The following EXOC6 variants were observed in gnomAD, a reference collection of about 807,000 sequenced individuals.
EXOC6 encodes the protein SEC15-like 1.
Under a neutral mutation model 112.5 loss-of-function variants are expected in EXOC6, and 60 were observed. That is an observed-to-expected ratio of 0.53 (90% confidence interval 0.43 to 0.66). The LOEUF is 0.66. EXOC6 is among the 30% of genes least tolerant of loss of function. EXOC6 has a pLI of 0.00. For missense variants in EXOC6, 855 were observed against 957.1 expected (o/e 0.89, Z 1.41); for synonymous variants, 295 against 308.0 (o/e 0.96, Z 0.44).
chr10:92,835,438 A>C (rs1257353408), intron 1 of EXOC6, among the ~76,000 whole-genome samples: 3 of 152,246 alleles, frequency 2.0e-5, no homozygotes, highest in Admixed American at 2.0e-4. Context: ...TTGTGTTCAA[A>C]GGGCAGCTTT....
intron 12 of EXOC6, among the ~76,000 whole-genome samples, chr10:92,938,737 G>A (rs148272358): frequency 2.9e-3 from 436 of 152,268 alleles, no homozygotes; most frequent in Middle Eastern, 0.01. Context: ...CAGTAGGGAC[G>A]TAAAAGTCCT....
chr10:92,863,359 C>G (rs1191018023), intron 1 of EXOC6, among the ~76,000 whole-genome samples: 2 of 152,184 alleles, frequency 1.3e-5, no homozygotes, highest in Non-Finnish European at 2.9e-5. Context: ...GCAATTTTTA[C>G]TAGAGTAGCA....
At chr10:93,050,051 A>T (rs568888012) in intron 20 of EXOC6, among the ~76,000 whole-genome samples, 27 of 152,296 alleles carry the variant, frequency 1.8e-4, no homozygotes, top group Non-Finnish European at 8.8e-5. Flanking sequence ...TAAAAAAAAA[A>T]ATTTTAAAGT....
intron 1 of EXOC6, among the ~76,000 whole-genome samples, chr10:92,858,092 G>GAA (rs1321423187): frequency 1.4e-5 from 2 of 143,086 alleles, no homozygotes; most frequent in East Asian, 4.8e-4. Context: ...TTTCTGATGA[G>GAA]AAGTCAGCTG....
chr10:92,967,325 T>G (rs1842111134), intron 17 of EXOC6, among the ~76,000 whole-genome samples: 1 of 152,104 alleles, frequency 6.6e-6, no homozygotes, highest in South Asian at 2.1e-4. Context: ...ATTTAAAATT[T>G]TCTTCTTTCA....
At chr10:92,895,538 T>C (rs1849703219) in intron 4 of EXOC6, among the ~76,000 whole-genome samples, 1 of 152,162 alleles carries the variant, frequency 6.6e-6, no homozygotes, top group African/African-American at 2.4e-5. Flanking sequence ...GAAACGCTGT[T>C]TCTGGTCTCT....
intron 1 of EXOC6, among the ~76,000 whole-genome samples, chr10:92,858,022 T>TCCTCCCCCCC (rs1554882162): frequency 9.9e-6 from 1 of 101,272 alleles, no homozygotes; most frequent in African/African-American, 3.6e-5. Flanking sequence ...GTTGACGGGT[T>TCCTCCCCCCC]CCCCCCCTCC....
chr10:92,983,246 A>G (rs1446814218), intron 18 of EXOC6, among the ~76,000 whole-genome samples: 1 of 152,222 alleles, frequency 6.6e-6, no homozygotes, highest in Admixed American at 6.5e-5. Context: ...AAATGGTGTG[A>G]TAAGTAGTCC....
chr10:92,985,423 C>T (rs973537224), intron 18 of EXOC6, among the ~76,000 whole-genome samples: 4 of 152,152 alleles, frequency 2.6e-5, no homozygotes, highest in Non-Finnish European at 5.9e-5. Context: ...GCAGAAAGCA[C>T]CCGTTCATGA....
At chr10:93,049,086 C>T (rs1385157346) in intron 20 of EXOC6, among the ~76,000 whole-genome samples, 1 of 149,262 alleles carries the variant, frequency 6.7e-6, no homozygotes, top group African/African-American at 2.5e-5. Context: ...GAGGCAGAGT[C>T]TCGCTCTGTC....
upstream of EXOC6, among the ~76,000 whole-genome samples, chr10:92,845,542 G>T (rs1339827259): frequency 8.2e-6 from 1 of 122,096 alleles, no homozygotes; most frequent in Non-Finnish European, 1.6e-5. Flanking sequence ...AACAGAGAGA[G>T]ACTCCATCTC....
At chr10:93,017,066 T>C (rs1266388585) in intron 20 of EXOC6, among the ~76,000 whole-genome samples, 1 of 152,076 alleles carries the variant, frequency 6.6e-6, no homozygotes, top group Non-Finnish European at 1.5e-5. Context: ...TTCACTTGCC[T>C]TGGCCTCCCA....
intron 8 of EXOC6, among the ~76,000 whole-genome samples, chr10:92,920,553 A>AAATGTGT (rs1422174727): frequency 6.6e-6 from 1 of 152,274 alleles, no homozygotes; most frequent in Non-Finnish European, 1.5e-5. Context: ...AAAACATCAA[A>AAATGTGT]AATGTGTATC....
chr10:92,884,234 C>T (rs1053416748), intron 1 of EXOC6, among the ~76,000 whole-genome samples: 51 of 152,164 alleles, frequency 3.4e-4, no homozygotes, highest in African/African-American at 1.2e-3. Context: ...TTGTAGAAAG[C>T]TTTGACACCA....
At chr10:92,943,576 A>G (rs17378057) in intron 13 of EXOC6, among the ~76,000 whole-genome samples, 15,489 of 152,168 alleles carry the variant, frequency 0.1, 872 homozygotes, top group Admixed American at 0.17. Flanking sequence ...TTTTGGATAC[A>G]TGTGCTTTTA....
intron 9 of EXOC6, among the ~76,000 whole-genome samples, chr10:92,931,423 CTA>C (rs923795607): frequency 2.0e-5 from 3 of 149,800 alleles, no homozygotes; most frequent in Non-Finnish European, 4.4e-5. Context: ...TTGTACATAT[CTA>C]TGGGACATAG....
At position 92,893,588 on chromosome 10, in the gene EXOC6, A is replaced by C. The variant is rs555709067; in HGVS notation, c.273+68A>C. The C allele has an allele frequency of 1.4e-5, 18 of 1,293,372 alleles. No individual in the cohort carries two copies. In the South Asian group the frequency reaches 2.6e-4, roughly 18 times the overall value. The allele number at this position is 1,293,372 out of a possible 1,614,324, so 80.1% of individuals were successfully genotyped here. A position where few individuals can be genotyped will look rare whatever the true frequency, so the allele number is the denominator to read the frequency against. The stretch of plus-strand genomic sequence containing the variant: ...TTACTCAAGTCTTAGTTGATAGTAC[A>C]TATGTACAAGTCATTATTAAGTATG... On this transcript the variant is annotated intron_variant, in intron 2 of 21. Transcript: ENST00000260762.
chr10:92,827,876 C>G (rs2133557433), intron 1 of EXOC6, among the ~76,000 whole-genome samples: 1 of 152,278 alleles, frequency 6.6e-6, no homozygotes, highest in African/African-American at 2.4e-5. Flanking sequence ...TCTCATTCTG[C>G]CTTTCTGAAA....
At chr10:92,834,880 T>C in intron 1 of EXOC6, 2 of 1,016,384 alleles carry the variant, frequency 2.0e-6, no homozygotes, top group Non-Finnish European at 3.0e-6. Flanking sequence ...GGTGGTCCTT[T>C]ACCCTGCTTT....
Sources: allele counts gnomAD v4.1 joint callset (sites outside exome capture counted in the v4.1 genomes callset), GRCh38; gene constraint gnomAD v4.1.1; transcripts MANE v1.5; gene names NCBI Gene and HGNC (gene_info 2026-07-23, HGNC 2026-07-21).